RELN: variants seen among roughly 807,000 people sequenced by gnomAD.
RELN encodes reelin.
Under a neutral mutation model 427.6 loss-of-function variants are expected in RELN, and 108 were observed. The observed-to-expected ratio is 0.25, with a 90% confidence interval of 0.22 to 0.30. The LOEUF (loss-of-function observed/expected upper bound fraction) is 0.30. RELN is among the 10% of genes least tolerant of loss of function. The pLI, the probability that RELN is intolerant of heterozygous loss-of-function variation, is 1.00. For missense variants in RELN, 3,715 were observed against 4,302.8 expected (o/e 0.86, Z 3.82); for synonymous variants, 1,524 against 1,513.4 (o/e 1.01, Z -0.16).
At chr7:103,887,474 A>G (rs151218752) in intron 2 of RELN, among the ~76,000 whole-genome samples, 39 of 152,304 alleles carry the variant, frequency 2.6e-4, no homozygotes, top group African/African-American at 8.9e-4. Context: ...AAATATTGGC[A>G]ACTGAAAGGG....
chr7:103,565,175 T>G, intron 34 of RELN, 103 bp downstream of exon 34: 2 of 1,436,774 alleles, frequency 1.4e-6, no homozygotes, highest in Non-Finnish European at 2.0e-6. Flanking sequence ...CATGCATAAT[T>G]ATCATGAAAG....
At chr7:103,546,967 A>G (rs1830311238) in intron 41 of RELN, among the ~76,000 whole-genome samples, 2 of 152,348 alleles carry the variant, frequency 1.3e-5, no homozygotes, top group South Asian at 4.1e-4. Flanking sequence ...TGTTGCTGAT[A>G]AGTTAGCTCC....
chr7:103,985,302 G>C (rs982145898), intron 1 of RELN, among the ~76,000 whole-genome samples: 1 of 152,066 alleles, frequency 6.6e-6, no homozygotes, highest in East Asian at 1.9e-4. Context: ...TCTCTCAGTT[G>C]ATATTTTAGA....
At chr7:103,807,351 C>A (rs946147841) in intron 3 of RELN, among the ~76,000 whole-genome samples, 2 of 152,122 alleles carry the variant, frequency 1.3e-5, no homozygotes, top group Non-Finnish European at 2.9e-5. Flanking sequence ...TGGAAAGAGG[C>A]TCAGAAATTA....
In RELN at chr7:103,483,729, T is replaced by G; in HGVS notation, c.10105A>C (p.Ile3369Leu). The change falls in exon 62 of 65, where the codon ATC (isoleucine) becomes CTC (leucine). Residue 3369 changes from isoleucine (I) to leucine (L), a missense_variant. Around this residue, in one of 4 missense-constraint regions of RELN, gnomAD observed 195 missense variants for 281.3 expected, o/e 0.69. Transcript: ENST00000428762. ...VLLQYSVNNG[I>L]TWHVIAQHQP... ...TGCTGGGCGATGACATGCCAGGTGA[T>G]CCCGTTGTTGACGCTGTATTGCAGC... 6.2e-7 allele frequency: 1 copy of G among 1,614,184 alleles called. No homozygotes were observed. The highest frequency in any genetic ancestry group is 1.7e-5 in the Admixed American group (1 of 60,030).
At chr7:103,630,489 C>G (rs1832428607) in intron 19 of RELN, among the ~76,000 whole-genome samples, 1 of 152,178 alleles carries the variant, frequency 6.6e-6, no homozygotes. Flanking sequence ...ACAGTTTTGG[C>G]TGTTTGGAAC....
chr7:103,706,695 T>C (rs1300408822), intron 8 of RELN, among the ~76,000 whole-genome samples: 1 of 152,038 alleles, frequency 6.6e-6, no homozygotes, highest in East Asian at 1.9e-4. Context: ...CATATTAGGA[T>C]GGGTCTATGT....
chr7:103,603,248 A>G lies in RELN; in HGVS notation c.3333+56T>C, dbSNP rs891522370. 7.4e-7 allele frequency: 1 copy of G among 1,345,226 alleles called. No homozygotes were observed. The highest frequency in any genetic ancestry group is 1.1e-6 in the Non-Finnish European group (1 of 935,068). 83.3% of individuals were successfully genotyped at this position (1,345,226 alleles called of 1,614,324 possible). ...TCATATTTGTACATTTGGAATTCAG[A>G]GTCTCATATTAAACTAGCCATTGCC... On this transcript the variant is annotated intron_variant, in intron 24 of 64. Transcript: ENST00000428762. The surrounding 1 kb of genome is among the most constrained non-coding windows in gnomAD (Gnocchi z 4.3).
At chr7:103,530,906 T>C (rs566594359) in intron 46 of RELN, among the ~76,000 whole-genome samples, 6 of 152,308 alleles carry the variant, frequency 3.9e-5, no homozygotes, top group African/African-American at 1.4e-4. Flanking sequence ...CAGTGGTTTC[T>C]TGGGTATATG....
intron 27 of RELN, among the ~76,000 whole-genome samples, chr7:103,592,458 C>T (rs1468412753): frequency 6.6e-6 from 1 of 151,916 alleles, no homozygotes; most frequent in Non-Finnish European, 1.5e-5. Context: ...TTTAGGTGGT[C>T]TTTGCTAGTG....
intron 4 of RELN, among the ~76,000 whole-genome samples, chr7:103,761,782 C>T (rs1262716283): frequency 1.3e-5 from 2 of 152,148 alleles, no homozygotes; most frequent in Non-Finnish European, 1.5e-5. Flanking sequence ...AAAATTGTTA[C>T]TGTGTAGCAA....
intron 2 of RELN, among the ~76,000 whole-genome samples, chr7:103,840,129 A>C (rs1793517909): frequency 6.6e-6 from 1 of 152,230 alleles, no homozygotes; most frequent in East Asian, 1.9e-4. Context: ...CCATGAGCCA[A>C]TTAAACCTAT....
chr7:103,630,300 A>AT (rs907672715), intron 19 of RELN, 124 bp from the exon 20 acceptor site: 198 of 697,432 alleles, frequency 2.8e-4, no homozygotes, highest in Admixed American at 4.9e-4. Flanking sequence ...GATTATAAAC[A>AT]TTTTTTTTTG....
intron 46 of RELN, among the ~76,000 whole-genome samples, chr7:103,530,031 T>C (rs1829905834): frequency 6.6e-6 from 1 of 152,120 alleles, no homozygotes; most frequent in South Asian, 2.1e-4. Flanking sequence ...GAGTCCTCTC[T>C]CTCCCTCTCT....
intron 1 of RELN, among the ~76,000 whole-genome samples, chr7:103,974,468 T>C (rs1022235229): frequency 9.6e-4 from 96 of 100,510 alleles, no homozygotes; most frequent in African/African-American, 4.2e-3. Flanking sequence ...AAATATGTTA[T>C]GGATAGAGTG....
At chr7:103,838,208 C>CAAGAAAAAAAAAAA (rs1491227842) in intron 2 of RELN, among the ~76,000 whole-genome samples, 11 of 81,084 alleles carry the variant, frequency 1.4e-4, no homozygotes, top group African/African-American at 5.6e-4. Flanking sequence ...GACTTCGTCT[C>CAAGAAAAAAAAAAA]AAAAAAAAAA....
chr7:103,759,705 A>C (rs1791247547), intron 4 of RELN, among the ~76,000 whole-genome samples: 1 of 152,158 alleles, frequency 6.6e-6, no homozygotes, highest in South Asian at 2.1e-4. Context: ...TTTAAACTTT[A>C]AAGTGCAACT....
intron 2 of RELN, among the ~76,000 whole-genome samples, chr7:103,902,788 T>C (rs1795111409): frequency 6.6e-6 from 1 of 152,100 alleles, no homozygotes; most frequent in Non-Finnish European, 1.5e-5. Flanking sequence ...GAACTCTCAT[T>C]TGGTGAAGTG....
intron 6 of RELN, among the ~76,000 whole-genome samples, chr7:103,738,551 A>T (rs1197393487): frequency 6.6e-6 from 1 of 151,748 alleles, no homozygotes; most frequent in Non-Finnish European, 1.5e-5. Flanking sequence ...GCCCTTTACC[A>T]GTCAACTCTC....
Sources: allele counts gnomAD v4.1 joint callset (sites outside exome capture counted in the v4.1 genomes callset), GRCh38; gene constraint gnomAD v4.1.1; regional missense constraint gnomAD v4.1.1; non-coding constraint Gnocchi (gnomAD v3.1); transcripts MANE v1.5; gene names NCBI Gene and HGNC (gene_info 2026-07-23, HGNC 2026-07-21).